Variants in NEGR1 observed in about 807,000 individuals in gnomAD.
NEGR1 encodes the protein IgLON family member 4.
NEGR1 carries 10 observed loss-of-function variants against 40.9 expected under a neutral mutation model. That is an observed-to-expected ratio of 0.24 (90% CI 0.15 to 0.42). The LOEUF (loss-of-function observed/expected upper bound fraction) is 0.42, where lower values mean the gene tolerates loss of function less well. Ranked by LOEUF, NEGR1 falls within the 10% of genes least tolerant of loss-of-function variation. NEGR1 has a pLI of 1.00. For missense variants in NEGR1, 352 were observed against 438.9 expected (o/e 0.80, Z 1.77); for synonymous variants, 185 against 166.8 (o/e 1.11, Z -0.84).
At chr1:72,090,175 C>A (rs1033925632) in intron 1 of NEGR1, among the ~76,000 whole-genome samples, 2 of 151,912 alleles carry the variant, frequency 1.3e-5, no homozygotes, top group Non-Finnish European at 2.9e-5. Context: ...TAGATTTAAT[C>A]ATTTCCCCTG....
chr1:71,465,433 A>T (rs1308793959), intron 6 of NEGR1, among the ~76,000 whole-genome samples: 1 of 152,128 alleles, frequency 6.6e-6, no homozygotes, highest in Non-Finnish European at 1.5e-5. Flanking sequence ...CTATGGAAAT[A>T]GTTATAATCG....
At chr1:71,904,693 C>T (rs1271778447) in intron 2 of NEGR1, among the ~76,000 whole-genome samples, 2 of 152,084 alleles carry the variant, frequency 1.3e-5, no homozygotes, top group East Asian at 3.8e-4. Context: ...CAAACAAGCT[C>T]ACTAAAGAAT....
At chr1:71,540,053 G>A (rs1168133305) in intron 6 of NEGR1, among the ~76,000 whole-genome samples, 3 of 151,730 alleles carry the variant, frequency 2.0e-5, no homozygotes, top group African/African-American at 4.8e-5. Context: ...AGAGCATTAA[G>A]TCAAAAGCGC....
intron 4 of NEGR1, among the ~76,000 whole-genome samples, chr1:71,686,441 T>G (rs1653041191): frequency 6.6e-6 from 1 of 152,132 alleles, no homozygotes; most frequent in African/African-American, 2.4e-5. Context: ...TTTGTTATCT[T>G]CAACATGTAG....
intron 3 of NEGR1, among the ~76,000 whole-genome samples, chr1:71,718,215 G>A (rs993010381): frequency 2.0e-5 from 3 of 152,176 alleles, no homozygotes; most frequent in African/African-American, 4.8e-5. Flanking sequence ...CTGGTGGGAA[G>A]TATTTTTATT....
intron 3 of NEGR1, among the ~76,000 whole-genome samples, chr1:71,759,799 G>T (rs1009164016): frequency 1.2e-4 from 18 of 150,966 alleles, no homozygotes; most frequent in African/African-American, 4.4e-4. Context: ...TAGTAGAGAC[G>T]GGGTTTCGGC....
At chr1:71,686,356 G>A (rs1453220823) in intron 4 of NEGR1, among the ~76,000 whole-genome samples, 1 of 152,124 alleles carries the variant, frequency 6.6e-6, no homozygotes, top group African/African-American at 2.4e-5. Context: ...TTCAGTGAAA[G>A]GTGGGGAGTG....
At chr1:71,702,272 T>C (rs1009453854) in intron 3 of NEGR1, among the ~76,000 whole-genome samples, 3 of 152,086 alleles carry the variant, frequency 2.0e-5, no homozygotes, top group African/African-American at 4.8e-5. Context: ...GTGAATAAGA[T>C]TGTTTCCCTT....
chr1:71,524,355 T>TGTGA (rs1491242523), intron 6 of NEGR1, among the ~76,000 whole-genome samples: 74 of 143,896 alleles, frequency 5.1e-4, no homozygotes, highest in African/African-American at 1.9e-3. Flanking sequence ...TGTGTGTGTG[T>TGTGA]GATATCAACC....
intron 3 of NEGR1, among the ~76,000 whole-genome samples, chr1:71,775,798 C>T (rs1656483339): frequency 2.0e-5 from 3 of 151,888 alleles, no homozygotes; most frequent in South Asian, 4.2e-4. Context: ...CCGAGGCCAA[C>T]CTGGCCAACA....
chr1:71,632,170 C>A (rs996413392), intron 4 of NEGR1, among the ~76,000 whole-genome samples: 4 of 151,644 alleles, frequency 2.6e-5, no homozygotes, highest in Non-Finnish European at 4.4e-5. Context: ...AAATATGGAA[C>A]CTACATCTTC....
At chr1:71,546,648 C>G (rs1253887797) in intron 6 of NEGR1, among the ~76,000 whole-genome samples, 1 of 151,580 alleles carries the variant, frequency 6.6e-6, no homozygotes, top group Non-Finnish European at 1.5e-5. Flanking sequence ...GAAAAGTAAA[C>G]TAGGCATATG....
intron 4 of NEGR1, among the ~76,000 whole-genome samples, chr1:71,611,978 T>C (rs1270357871): frequency 2.6e-5 from 4 of 152,170 alleles, no homozygotes; most frequent in Non-Finnish European, 5.9e-5. Flanking sequence ...ATCCCAGCAA[T>C]CTGGGAGGCC....
intron 4 of NEGR1, among the ~76,000 whole-genome samples, chr1:71,653,579 A>T (rs892009846): frequency 6.6e-5 from 10 of 152,032 alleles, no homozygotes; most frequent in Non-Finnish European, 1.5e-4. Context: ...ATTACTAGTC[A>T]TTATTGTTCT....
intron 1 of NEGR1, among the ~76,000 whole-genome samples, chr1:72,103,176 A>G (rs540707855): frequency 1.2e-4 from 19 of 152,188 alleles, no homozygotes; most frequent in African/African-American, 4.3e-4. Flanking sequence ...AATTAACTCT[A>G]CTGATCATGG....
chr1:72,056,406 C>T (rs182612686), intron 1 of NEGR1, among the ~76,000 whole-genome samples: 18 of 151,382 alleles, frequency 1.2e-4, no homozygotes, highest in Non-Finnish European at 1.5e-5. Context: ...AAGAGAGATT[C>T]CTGGCTGGAT....
intron 6 of NEGR1, among the ~76,000 whole-genome samples, chr1:71,438,238 T>C: frequency 6.6e-6 from 1 of 152,220 alleles, no homozygotes; most frequent in Non-Finnish European, 1.5e-5. Context: ...TTCTGATATC[T>C]GGGGCTGGCT....
chr1:71,826,500 CT>C (rs796137940), intron 2 of NEGR1, among the ~76,000 whole-genome samples: 29 of 151,874 alleles, frequency 1.9e-4, no homozygotes, highest in African/African-American at 5.3e-4. Flanking sequence ...TTAAGTGGGT[CT>C]TTTTTCCTTT....
At chr1:71,464,283 T>G (rs989585438) in intron 6 of NEGR1, among the ~76,000 whole-genome samples, 12 of 152,086 alleles carry the variant, frequency 7.9e-5, no homozygotes, top group African/African-American at 2.9e-4. Context: ...TCACAATGAA[T>G]AAGAGAATAC....
Sources: allele counts gnomAD v4.1 joint callset (sites outside exome capture counted in the v4.1 genomes callset), GRCh38; gene constraint gnomAD v4.1.1; transcripts MANE v1.5; gene names NCBI Gene and HGNC (gene_info 2026-07-23, HGNC 2026-07-21).